CNTN4: variants seen among roughly 807,000 people sequenced by gnomAD.
CNTN4 encodes contactin 4, also known as contactin-4.
Under a neutral mutation model 122.5 loss-of-function variants are expected in CNTN4, and 77 were observed. The ratio of observed to expected loss-of-function variants is 0.63; its 90% CI spans 0.52 to 0.76. The LOEUF (loss-of-function observed/expected upper bound fraction) is 0.76, where lower values mean the gene tolerates loss of function less well. Ranked by LOEUF, CNTN4 falls within the 30% of genes least tolerant of loss-of-function variation. The pLI is 0.00. For synonymous variants in CNTN4, 512 were observed against 447.0 expected (o/e 1.15, Z -1.83); for missense variants, 1,256 against 1,259.1 (o/e 1.00, Z 0.04).
chr3:2,611,747 T>A (rs1455027376), intron 4 of CNTN4, among the ~76,000 whole-genome samples: 1 of 152,124 alleles, frequency 6.6e-6, no homozygotes, highest in Admixed American at 6.6e-5. Flanking sequence ...AAAGAAGCTG[T>A]CTTGAACATT....
intron 3 of CNTN4, among the ~76,000 whole-genome samples, chr3:2,531,870 C>A (rs1291525756): frequency 6.6e-6 from 1 of 152,182 alleles, no homozygotes; most frequent in Non-Finnish European, 1.5e-5. Flanking sequence ...ATGTCCCTGA[C>A]ATCCAGCAGA....
At chr3:2,216,711 T>G (rs900434851) in intron 2 of CNTN4, among the ~76,000 whole-genome samples, 1 of 152,158 alleles carries the variant, frequency 6.6e-6, no homozygotes, top group Non-Finnish European at 1.5e-5. Context: ...CCCAATAAAC[T>G]ATTTTTAAAC....
chr3:2,844,337 T>C (rs2093418539), intron 7 of CNTN4, among the ~76,000 whole-genome samples: 1 of 152,244 alleles, frequency 6.6e-6, no homozygotes, highest in African/African-American at 2.4e-5. Flanking sequence ...GGTTGTACTT[T>C]AAAGCATTTT....
At chr3:2,963,211 G>A (rs2094879598) in intron 13 of CNTN4, among the ~76,000 whole-genome samples, 1 of 152,028 alleles carries the variant, frequency 6.6e-6, no homozygotes, top group East Asian at 1.9e-4. Flanking sequence ...TGCCTAGAAT[G>A]CACTCTTCTA....
At chr3:2,235,264 T>C (rs1054327715) in intron 2 of CNTN4, among the ~76,000 whole-genome samples, 2 of 152,200 alleles carry the variant, frequency 1.3e-5, no homozygotes, top group South Asian at 2.1e-4. Flanking sequence ...TTATGCATAC[T>C]AGGATTATGC....
intron 3 of CNTN4, among the ~76,000 whole-genome samples, chr3:2,551,886 A>G (rs757173391): frequency 5.3e-5 from 8 of 152,118 alleles, no homozygotes; most frequent in Admixed American, 3.9e-4. Context: ...CAGCCTAAAT[A>G]TTGCTGTCAT....
Position 2,887,209 on chromosome 3 carries a change from C to T in CNTN4, c.925C>T (p.Gln309Ter). 6.2e-7 allele frequency: 1 copy of T among 1,613,196 alleles called. No individual in the cohort carries two copies. The highest frequency in any genetic ancestry group is 8.5e-7 in the Non-Finnish European group (1 of 1,179,830). Residue 309 changes from glutamine to a stop codon, truncating the protein, a stop_gained, in exon 10 of 25, where the codon CAG becomes TAG. Coordinates refer to ENST00000418658, the MANE Select transcript of CNTN4 (RefSeq NM_175607.3). LOFTEE classifies it high-confidence loss of function. The stretch of plus-strand genomic sequence containing the variant: ...CAGAGGGAAAAATGTAGCAAGGGGA[C>T]AGCTAACTTTCTATGGTAAGTGTAT... ...NSRGKNVARG[Q>*]LTFYAQPNWI... is the part of the protein sequence containing the mutation.
intron 4 of CNTN4, among the ~76,000 whole-genome samples, chr3:2,613,991 A>G (rs1168123735): frequency 1.3e-5 from 2 of 152,136 alleles, no homozygotes; most frequent in Non-Finnish European, 2.9e-5. Flanking sequence ...AATGAGATAG[A>G]TAAAGTACTT....
At chr3:2,631,520 C>T (rs1301899049) in intron 4 of CNTN4, among the ~76,000 whole-genome samples, 1 of 152,166 alleles carries the variant, frequency 6.6e-6, no homozygotes, top group African/African-American at 2.4e-5. Context: ...GAGATTGATT[C>T]AGTCATGTCC....
chr3:2,621,507 G>A (rs1001227376), intron 4 of CNTN4, among the ~76,000 whole-genome samples: 8 of 151,938 alleles, frequency 5.3e-5, no homozygotes, highest in Non-Finnish European at 1.2e-4. Context: ...GGGGGTGGGG[G>A]GCTAGTGGAG....
intron 6 of CNTN4, among the ~76,000 whole-genome samples, chr3:2,818,210 T>G (rs907080186): frequency 5.3e-5 from 8 of 152,212 alleles, no homozygotes; most frequent in African/African-American, 1.9e-4. Flanking sequence ...AATATATAAG[T>G]GATGAAGACA....
At chr3:2,484,499 G>C (rs899041633) in intron 3 of CNTN4, among the ~76,000 whole-genome samples, 4 of 152,106 alleles carry the variant, frequency 2.6e-5, no homozygotes, top group Non-Finnish European at 4.4e-5. Flanking sequence ...TGAGGACCCT[G>C]GAAGCAATTT....
intron 7 of CNTN4, among the ~76,000 whole-genome samples, chr3:2,847,863 T>C (rs2093480760): frequency 1.3e-5 from 2 of 152,158 alleles, no homozygotes. Context: ...GCCCACATGC[T>C]CTTACCGGGG....
chr3:2,777,472 C>T (rs1280029032), intron 6 of CNTN4, among the ~76,000 whole-genome samples: 1 of 152,136 alleles, frequency 6.6e-6, no homozygotes, highest in African/African-American at 2.4e-5. Flanking sequence ...GCTAATGTAC[C>T]TGGCATGGAT....
At chr3:2,543,417 C>T (rs956611703) in intron 3 of CNTN4, among the ~76,000 whole-genome samples, 3 of 152,014 alleles carry the variant, frequency 2.0e-5, no homozygotes, top group Non-Finnish European at 4.4e-5. Flanking sequence ...CAAGTGTTTC[C>T]GTCTTAGTGC....
At chr3:2,289,873 T>C (rs2042071226) in intron 2 of CNTN4, among the ~76,000 whole-genome samples, 1 of 152,234 alleles carries the variant, frequency 6.6e-6, no homozygotes. Flanking sequence ...TATTTTATCA[T>C]GAAGTAGTTC....
At chr3:2,317,454 G>T (rs1447731563) in intron 2 of CNTN4, among the ~76,000 whole-genome samples, 2 of 152,186 alleles carry the variant, frequency 1.3e-5, no homozygotes, top group Non-Finnish European at 2.9e-5. Flanking sequence ...CTCACCCAGA[G>T]TGAGTTCTAA....
chr3:2,699,328 T>A (rs1422453081), intron 4 of CNTN4, among the ~76,000 whole-genome samples: 4 of 152,176 alleles, frequency 2.6e-5, no homozygotes, highest in East Asian at 3.9e-4. Flanking sequence ...GGCACCTGGC[T>A]GTTCTCCACT....
intron 7 of CNTN4, among the ~76,000 whole-genome samples, chr3:2,845,949 C>T (rs2093448848): frequency 1.3e-5 from 2 of 152,190 alleles, no homozygotes; most frequent in African/African-American, 4.8e-5. Flanking sequence ...TAATTAATGG[C>T]ATCTGAATTA....
Sources: gnomAD v4.1 joint callset for allele counts (sites outside exome capture counted in the v4.1 genomes callset) on GRCh38, gnomAD v4.1.1 for gene constraint, MANE v1.5 for transcripts, NCBI Gene and HGNC (gene_info 2026-07-23, HGNC 2026-07-21) for gene names.